BCAS3: variants seen among roughly 807,000 people sequenced by gnomAD.
BCAS3 encodes BCAS4/BCAS3 fusion.
Under a neutral mutation model 116.1 loss-of-function variants are expected in BCAS3, and 53 were observed. That is an observed-to-expected ratio of 0.46 (90% CI 0.37 to 0.57). The LOEUF (loss-of-function observed/expected upper bound fraction) is 0.57, where lower values mean the gene tolerates loss of function less well. Among genes scored for constraint, BCAS3 ranks in the 20% least tolerant of loss-of-function variants. The pLI, the probability that BCAS3 is intolerant of heterozygous loss-of-function variation, is 0.00. For missense variants in BCAS3, 917 were observed against 1,165.4 expected, an observed-to-expected ratio of 0.79 and a Z score of 3.10; for synonymous variants, 391 against 408.2, an observed-to-expected ratio of 0.96 and a Z score of 0.51.
chr17:60,689,881 C>T (rs1201413956), intron 4 of BCAS3, 120 bp downstream of exon 4: 1 of 686,306 alleles, frequency 1.5e-6, no homozygotes, highest in Admixed American at 3.1e-5. Flanking sequence ...TTTCAGTTTT[C>T]AAAATAAAAG....
At chr17:61,172,408 C>T (rs879548663) in intron 22 of BCAS3, among the ~76,000 whole-genome samples, 53 of 151,994 alleles carry the variant, frequency 3.5e-4, no homozygotes, top group Non-Finnish European at 5.4e-4. Context: ...CCGAGGCGGG[C>T]GGATCACGAG....
At chr17:60,987,578 A>AT (rs1263435409) in intron 14 of BCAS3, among the ~76,000 whole-genome samples, 1 of 151,508 alleles carries the variant, frequency 6.6e-6, no homozygotes, top group African/African-American at 2.4e-5. Flanking sequence ...ATCGCTAGTT[A>AT]TTTATTTGTA....
At position 61,196,490 on chromosome 17, in the gene BCAS3, A is replaced by G. The variant is rs2080486222; in HGVS notation, c.2425+111926A>G. On this transcript the variant is annotated intron_variant, in intron 22 of 23. Coordinates refer to ENST00000407086, the MANE Select transcript of BCAS3 (RefSeq NM_017679.5). This position sits in a 1 kb window ranked among gnomAD's most constrained non-coding sequence, Gnocchi z 4.7. ...ATCATTTATATAAATATGCTTTCTC[A>G]AGCCCACAAAAACAAAAAACCCCAA... Among the ~76,000 whole-genome samples the G allele has an allele frequency of 6.6e-6, 1 of 152,202 alleles. No individual in the cohort carries two copies.
At chr17:60,772,045 A>T (rs1207971454) in intron 6 of BCAS3, among the ~76,000 whole-genome samples, 1 of 152,178 alleles carries the variant, frequency 6.6e-6, no homozygotes, top group South Asian at 2.1e-4. Flanking sequence ...TAGCAGCATG[A>T]TTTATAATCC....
chr17:61,066,460 C>G (rs2070625078), intron 19 of BCAS3, among the ~76,000 whole-genome samples: 1 of 152,124 alleles, frequency 6.6e-6, no homozygotes, highest in Non-Finnish European at 1.5e-5. Context: ...TGAAATGGTA[C>G]TGGATACAGA....
At chr17:60,876,790 G>A (rs1022045878) in intron 9 of BCAS3, among the ~76,000 whole-genome samples, 4 of 151,954 alleles carry the variant, frequency 2.6e-5, no homozygotes, top group Admixed American at 2.0e-4. Context: ...TCTGTTTGCC[G>A]CTAGACAGTA....
At chr17:60,953,842 T>C (rs1432353599) in intron 14 of BCAS3, among the ~76,000 whole-genome samples, 1 of 151,926 alleles carries the variant, frequency 6.6e-6, no homozygotes, top group Non-Finnish European at 1.5e-5. Context: ...CAGGCGATTC[T>C]CCTGCCTCAG....
chr17:61,147,523 C>T (rs534662123), intron 22 of BCAS3, among the ~76,000 whole-genome samples: 24 of 152,248 alleles, frequency 1.6e-4, no homozygotes, highest in Non-Finnish European at 2.6e-4. Context: ...GTACCTGGGC[C>T]AACAGGTGTT....
At chr17:60,976,522 G>A (rs1295504347) in intron 14 of BCAS3, among the ~76,000 whole-genome samples, 5 of 151,854 alleles carry the variant, frequency 3.3e-5, no homozygotes, top group Non-Finnish European at 7.4e-5. Flanking sequence ...CAATAGTGGA[G>A]GGAAGGTCAG....
chr17:60,766,510 A>G (rs895958454), intron 6 of BCAS3, among the ~76,000 whole-genome samples: 30 of 152,148 alleles, frequency 2.0e-4, no homozygotes, highest in African/African-American at 7.0e-4. Context: ...TTGCCTGGGT[A>G]CCACCAGCAG....
At chr17:61,123,626 T>C (rs180949989) in intron 22 of BCAS3, among the ~76,000 whole-genome samples, 15 of 152,102 alleles carry the variant, frequency 9.9e-5, no homozygotes, top group African/African-American at 1.7e-4. Context: ...TTAATTTTTA[T>C]TGGGGGGGAG....
chr17:61,391,664 G>A lies in BCAS3; in HGVS notation c.2594-313G>A, dbSNP rs1040382276. On this transcript the variant is annotated intron_variant, in intron 23 of 23. Transcript: ENST00000407086. The surrounding 1 kb of genome is among the most constrained non-coding windows in gnomAD (Gnocchi z 7.7). ...CATGAGTGTGTGCAGGCGTGGGTAC[G>A]GGCTCATGAAGAGCTGTGTAGTCCA... The A allele has an allele frequency of 9.7e-6, 3 of 307,762 alleles. No individual in the cohort carries two copies. The highest frequency in any genetic ancestry group is 6.0e-6 in the Non-Finnish European group (1 of 166,154). The allele number at this position is 307,762 out of a possible 1,614,324, so 19.1% of individuals were successfully genotyped here.
intron 22 of BCAS3, among the ~76,000 whole-genome samples, chr17:61,274,806 G>A (rs1415110099): frequency 6.6e-6 from 1 of 152,092 alleles, no homozygotes; most frequent in African/African-American, 2.4e-5. Context: ...AAGTAAGACT[G>A]TTTCTATTGC....
At chr17:61,055,818 A>G (rs1313207974) in intron 19 of BCAS3, among the ~76,000 whole-genome samples, 1 of 152,168 alleles carries the variant, frequency 6.6e-6, no homozygotes, top group Non-Finnish European at 1.5e-5. Context: ...GTTTTAAAAA[A>G]TTGCCGTGTT....
rs774467621 is a variant in BCAS3, at chr17:61,363,991, G to A, written c.2426-4336G>A. ...ACCTGCAGCCTTGCTCTCACTCTGG[G>A]ACAGGGAGATTCCAGGAGCACCTTT... On this transcript the variant is annotated intron_variant, in intron 22 of 23. Transcript: ENST00000407086. The surrounding 1 kb of genome is among the most constrained non-coding windows in gnomAD (Gnocchi z 4.9). Among the ~76,000 whole-genome samples, 25 of 152,178 alleles carry A rather than the reference G, an allele frequency of 1.6e-4. No homozygotes were observed. The highest frequency in any genetic ancestry group is 3.4e-4 in the Non-Finnish European group (23 of 68,026).
At chr17:61,292,063 A>G (rs574812929) in intron 22 of BCAS3, among the ~76,000 whole-genome samples, 73 of 152,292 alleles carry the variant, frequency 4.8e-4, no homozygotes, top group African/African-American at 1.3e-3. Context: ...GACAGGAGGC[A>G]GCTGCCAGCA....
At chr17:61,107,581 A>G (rs62082933) in intron 22 of BCAS3, among the ~76,000 whole-genome samples, 37 of 152,102 alleles carry the variant, frequency 2.4e-4, no homozygotes, top group Middle Eastern at 3.2e-3. Flanking sequence ...TCATTTTGAG[A>G]TTTTTAAGAA....
At chr17:60,800,360 A>C (rs2047663364) in intron 6 of BCAS3, among the ~76,000 whole-genome samples, 1 of 152,130 alleles carries the variant, frequency 6.6e-6, no homozygotes. Flanking sequence ...TTCCCTAATG[A>C]CTTTTCCTGT....
In BCAS3 at chr17:61,211,067, G is replaced by A. The variant is rs935129856; in HGVS notation, c.2425+126503G>A. ...AGCTAGGGTCCCAGCGCTGGGTGGG[G>A]GACAGGAGAAAAGGCCTGAGGCACG... On this transcript the variant is annotated intron_variant, in intron 22 of 23. Transcript: ENST00000407086. This position sits in a 1 kb window ranked among gnomAD's most constrained non-coding sequence, Gnocchi z 4.4. Among the ~76,000 whole-genome samples the A allele has an allele frequency of 2.0e-5, 3 of 152,070 alleles. No homozygotes were observed. The highest frequency in any genetic ancestry group is 7.2e-5 in the African/African-American group (3 of 41,408).
Sources: allele counts gnomAD v4.1 joint callset (sites outside exome capture counted in the v4.1 genomes callset), GRCh38; gene constraint gnomAD v4.1.1; non-coding constraint Gnocchi (gnomAD v3.1); transcripts MANE v1.5; gene names NCBI Gene and HGNC (gene_info 2026-07-23, HGNC 2026-07-21).